Variants in NUP210 observed in about 807,000 individuals in gnomAD.
NUP210 encodes nuclear pore membrane glycoprotein 210.
In NUP210, 151 loss-of-function variants were observed where a neutral mutation model predicts 196.0. The observed-to-expected ratio is 0.77, with a 90% CI of 0.67 to 0.88. The LOEUF (loss-of-function observed/expected upper bound fraction) is 0.88. NUP210 is among the 40% of genes least tolerant of loss of function. NUP210 has a pLI of 0.00. For synonymous variants in NUP210, 1,070 were observed against 1,052.7 expected (o/e 1.02, Z -0.32); for missense variants, 2,314 against 2,493.7 (o/e 0.93, Z 1.53).
At chr3:13,357,617 C>T (rs879933225) in intron 16 of NUP210, among the ~76,000 whole-genome samples, 1 of 152,190 alleles carries the variant, frequency 6.6e-6, no homozygotes, top group East Asian at 1.9e-4. Flanking sequence ...TTACCCTGGA[C>T]ACACTCAGCA....
chr3:13,327,415 T>A lies in NUP210; in HGVS notation c.4309A>T (p.Lys1437Ter), dbSNP rs1407032031. 2 of 1,612,096 alleles carry A rather than the reference T, an allele frequency of 1.2e-6. No individual in the cohort carries two copies. The highest frequency in any genetic ancestry group is 1.7e-6 in the Non-Finnish European group (2 of 1,179,396). Residue 1437 changes from lysine (K) to a stop codon, truncating the protein, a stop_gained, in exon 32 of 40, where the codon AAG (lysine) becomes TAG (stop). Coordinates refer to ENST00000254508, the MANE Select transcript of NUP210 (RefSeq NM_024923.4). LOFTEE classifies it high-confidence loss of function. ...ACGCAGGTGTTGTTGGTGGGGCCCT[T>A]CCCGATCTGCACAAAGTCGTCTCTA... ...TNRDDFVQIGKGPTNNTCVVR... is the reference protein window; with the variant it reads ...TNRDDFVQIG
chr3:13,376,584 G>A (rs1394235131), intron 9 of NUP210, among the ~76,000 whole-genome samples, 153 bp from the exon 10 acceptor site: 1 of 152,126 alleles, frequency 6.6e-6, no homozygotes, highest in Non-Finnish European at 1.5e-5. Context: ...CAGACGGGTG[G>A]GCTGGGCCCT....
chr3:13,361,124 C>T (rs956559722), intron 14 of NUP210, among the ~76,000 whole-genome samples: 1 of 152,224 alleles, frequency 6.6e-6, no homozygotes, highest in Non-Finnish European at 1.5e-5. Context: ...GGTGTCCTTG[C>T]TGGCATCATT....
rs1336173328 is a variant in NUP210 at position 13,350,139 on chromosome 3, T to C, written c.2835+1740A>G. Among the ~76,000 whole-genome samples, 1 of 152,104 alleles carries C rather than the reference T, an allele frequency of 6.6e-6. No homozygotes were observed. Among genetic ancestry groups the C allele is most frequent in the African/African-American group, 2.4e-5 (1 of 41,406 alleles). ...AAGGACATACCAAGGTGTTATCCCC[T>C]AAGAGCAGTATCAGAGACTTCTTAC... On this transcript the variant is annotated intron_variant, in intron 20 of 39. Coordinates refer to ENST00000254508, the MANE Select transcript of NUP210 (RefSeq NM_024923.4). The surrounding 1 kb of genome is among the most constrained non-coding windows in gnomAD (Gnocchi z 4.1).
intron 16 of NUP210, among the ~76,000 whole-genome samples, chr3:13,355,915 A>G (rs1054616893): frequency 6.6e-6 from 1 of 152,204 alleles, no homozygotes; most frequent in African/African-American, 2.4e-5. Flanking sequence ...GCAACAACAT[A>G]AGCCCCATAT....
chr3:13,344,868 C>T, intron 20 of NUP210: 2 of 948,128 alleles, frequency 2.1e-6, no homozygotes, highest in Non-Finnish European at 2.5e-6. Flanking sequence ...CACCTGCTGG[C>T]TCCAAGTCAT....
chr3:13,347,401 A>G lies in NUP210; in HGVS notation c.2836-4098T>C, dbSNP rs1031545087. The G allele has an allele frequency of 1.6e-5, 14 of 893,072 alleles. No individual in the cohort carries two copies. The highest frequency in any genetic ancestry group is 1.9e-5 in the Non-Finnish European group (14 of 745,934). 55.3% of individuals were successfully genotyped at this position (893,072 alleles called of 1,614,324 possible). A position where few individuals can be genotyped will look rare whatever the true frequency, so the allele number is the denominator to read the frequency against. On this transcript the variant is annotated intron_variant, in intron 20 of 39. Transcript: ENST00000254508. The surrounding 1 kb of genome is among the most constrained non-coding windows in gnomAD (Gnocchi z 4.7). ...GAAATGTAAAGAATCGTTGAAAAGA[A>G]GGAAAACTTAGGCTTAAATCGGATA...
chr3:13,413,802 T>C (rs1345238635), intron 1 of NUP210, among the ~76,000 whole-genome samples: 1 of 152,120 alleles, frequency 6.6e-6, no homozygotes, highest in Non-Finnish European at 1.5e-5. Flanking sequence ...ACGTACTTCA[T>C]GCCACAGAAC....
chr3:13,420,085 C>A lies in NUP210; in HGVS notation c.142G>T (p.Glu48Ter). 3 of 1,376,444 alleles carry A rather than the reference C, an allele frequency of 2.2e-6. No homozygotes were observed. Among genetic ancestry groups the A allele is most frequent in the South Asian group, 2.9e-5 (2 of 69,700 alleles). The allele number at this position is 1,376,444 out of a possible 1,614,324, so 85.3% of individuals were successfully genotyped here. The change falls in exon 1 of 40, where the codon GAG becomes TAG. Residue 48 changes from glutamate (E) to a stop codon, truncating the protein, a stop_gained. Coordinates refer to ENST00000254508, the MANE Select transcript of NUP210 (RefSeq NM_024923.4). LOFTEE classifies it high-confidence loss of function. This position sits in a 1 kb window ranked among gnomAD's most constrained non-coding sequence, Gnocchi z 4.8. ...TRATRVNFTL[E>*]ASEGCYRWLS... Reference sequence around the variant, plus strand: ...CAGCGGTAGCAGCCCTCCGAGGCCTCCAGCGTGAAGTTAACGCGCGTGGCC... The same window carrying A: ...CAGCGGTAGCAGCCCTCCGAGGCCTACAGCGTGAAGTTAACGCGCGTGGCC...
At position 13,321,713 on chromosome 3, in the gene NUP210, G is replaced by A; in HGVS notation, c.5038C>T (p.Gln1680Ter). 1.9e-6 allele frequency: 3 copies of A among 1,614,162 alleles called. No individual in the cohort carries two copies. The highest frequency in any genetic ancestry group is 1.1e-5 in the South Asian group (1 of 91,084). Residue 1680 changes from glutamine to a stop codon, truncating the protein, a stop_gained, in exon 36 of 40, where the codon CAG (glutamine) becomes TAG (stop). Transcript: ENST00000254508. LOFTEE classifies it high-confidence loss of function. Reference sequence around the variant, plus strand: ...CTGAAGGGCACCTCGGCCCCCACCTGCTCTGTGGAGAAGTGGCTGCTGGAG... The same window carrying A: ...CTGAAGGGCACCTCGGCCCCCACCTACTCTGTGGAGAAGTGGCTGCTGGAG... ...SLSSSHFSTE[Q>*]VGAEVPFSPG...
chr3:13,414,367 A>C (rs1427699204), intron 1 of NUP210, among the ~76,000 whole-genome samples: 1 of 152,250 alleles, frequency 6.6e-6, no homozygotes, highest in Non-Finnish European at 1.5e-5. Flanking sequence ...CCAGGTCCAC[A>C]GACACTTCCT....
intron 3 of NUP210, among the ~76,000 whole-genome samples, chr3:13,395,718 C>T (rs181717301): frequency 1.3e-5 from 2 of 152,306 alleles, no homozygotes. Flanking sequence ...GTTGTCTTCA[C>T]ACTTGGCGGT....
At chr3:13,384,122 C>G (rs989394438) in intron 6 of NUP210, among the ~76,000 whole-genome samples, 1 of 152,132 alleles carries the variant, frequency 6.6e-6, no homozygotes, top group Non-Finnish European at 1.5e-5. Context: ...GCCACCACAC[C>G]TGGCCAATTT....
At chr3:13,325,192 C>A (rs1696698622) in intron 33 of NUP210, among the ~76,000 whole-genome samples, 2 of 152,212 alleles carry the variant, frequency 1.3e-5, no homozygotes, top group African/African-American at 4.8e-5. Flanking sequence ...CATCCCCTGA[C>A]CAGAGGCTCT....
At position 13,379,416 on chromosome 3, in the gene NUP210, A is replaced by T. The variant is rs144349749; in HGVS notation, c.976+147T>A. The stretch of plus-strand genomic sequence containing the variant: ...ACAGCCGTGAGCAATTCCACTCAGC[A>T]GTGCTATTTCAGTTCTTTCTGATTT... On this transcript the variant is annotated intron_variant, in intron 7 of 39. Coordinates refer to ENST00000254508, the MANE Select transcript of NUP210 (RefSeq NM_024923.4). This position sits in a 1 kb window ranked among gnomAD's most constrained non-coding sequence, Gnocchi z 4.2. 269 of 1,026,664 alleles carry T rather than the reference A, an allele frequency of 2.6e-4. 1 individual carries two copies. The East Asian group carries it at 6.1e-3, about 23-fold the overall frequency. 63.6% of individuals were successfully genotyped at this position (1,026,664 alleles called of 1,614,324 possible).
rs142559057 is a variant in NUP210 at position 13,325,919 on chromosome 3, G to A, written c.4520C>T (p.Thr1507Ile). The stretch of plus-strand genomic sequence containing the variant: ...GATGCTGTTGGCCGAGGAGCTCCAG[G>A]TTCCTGAGAGGCCTGGAGAGGAAGC... Reference protein sequence around the residue: ...VLTSLEGLSGTWSSSANSILH... With the variant: ...VLTSLEGLSGIWSSSANSILH... Residue 1507 changes from threonine to isoleucine, a missense_variant, in exon 33 of 40, where the codon ACC (threonine) becomes ATC (isoleucine). Physicochemically the swap from Thr to Ile is moderately conservative, Grantham distance 89 (BLOSUM62 -1). Transcript: ENST00000254508. The A allele has an allele frequency of 6.2e-7, 1 of 1,614,042 alleles. No homozygotes were observed.
chr3:13,376,505 T>A (rs1698915327), intron 9 of NUP210, 74 bp from the exon 10 acceptor site: 1 of 1,573,644 alleles, frequency 6.4e-7, no homozygotes, highest in South Asian at 1.2e-5. Flanking sequence ...GGCACGAAGC[T>A]ACAGGACTGA....
chr3:13,411,409 C>G (rs1700171287), intron 1 of NUP210, among the ~76,000 whole-genome samples: 1 of 152,226 alleles, frequency 6.6e-6, no homozygotes, highest in Non-Finnish European at 1.5e-5. Flanking sequence ...CTCTTGGACC[C>G]AGGCTCCTCA....
intron 10 of NUP210, 79 bp from the exon 11 acceptor site, chr3:13,375,720 C>A (rs1158638875): frequency 6.8e-7 from 1 of 1,477,982 alleles, no homozygotes; most frequent in African/African-American, 1.4e-5. Context: ...GACCCCCACC[C>A]CTCCCTGGGG....
Sources: allele counts gnomAD v4.1 joint callset (sites outside exome capture counted in the v4.1 genomes callset), GRCh38; gene constraint gnomAD v4.1.1; non-coding constraint Gnocchi (gnomAD v3.1); transcripts MANE v1.5; gene names NCBI Gene and HGNC (gene_info 2026-07-23, HGNC 2026-07-21).